The following NCLN variants were observed in gnomAD, a reference collection of about 807,000 sequenced individuals.
The protein encoded by NCLN is nicalin, also known as BOS complex subunit NCLN.
In NCLN, 34 loss-of-function variants were observed where a neutral mutation model predicts 69.5. That is an observed-to-expected ratio of 0.49 (90% CI 0.37 to 0.65). The LOEUF is 0.65. Ranked by LOEUF, NCLN falls within the 30% of genes least tolerant of loss-of-function variation. NCLN has a pLI of 0.00. For missense variants in NCLN, 710 were observed against 804.8 expected, an observed-to-expected ratio of 0.88 and a Z score of 1.42; for synonymous variants, 393 against 358.3, an observed-to-expected ratio of 1.10 and a Z score of -1.09.
chr19:3,193,539 C>T (rs1378117541), intron 3 of NCLN, 111 bp downstream of exon 3: 7 of 1,296,318 alleles, frequency 5.4e-6, no homozygotes, highest in Non-Finnish European at 7.2e-6. Flanking sequence ...GTGTGGCATC[C>T]CTTCGCCGGG....
At chr19:3,200,634 A>G (rs961864269) in intron 5 of NCLN, among the ~76,000 whole-genome samples, 3 of 152,114 alleles carry the variant, frequency 2.0e-5, no homozygotes, top group African/African-American at 7.2e-5. Context: ...AGATAATGAT[A>G]GAACATAAAG....
rs1916362007 is a variant in NCLN, at chr19:3,209,045, C to CG, written c.*1358dup. ...CAAGTCCTGGCCTGGCACCCGCAGC[C>CG]GTCTCCCTTCCGTGGCCCAGGGAGG... On this transcript the variant is annotated 3_prime_UTR_variant, in exon 15 of 15. Coordinates refer to ENST00000246117, the MANE Select transcript of NCLN (RefSeq NM_020170.4). The CG allele has an allele frequency of 6.6e-6, 1 of 152,268 alleles. No homozygotes were observed. The highest frequency in any genetic ancestry group is 1.5e-5 in the Non-Finnish European group (1 of 68,192). The allele number at this position is 152,268 out of a possible 1,614,324, so 9.4% of individuals were successfully genotyped here.
rs780358342 is a variant in NCLN, at chr19:3,185,990, C to A, written c.-41C>A. Reference sequence around the variant, plus strand: ...GCGGGAGCCGCCGCCGCCGCCGTCCCGTCCCAGCTGCCGCCCCGCGCGGCC... The same window carrying A: ...GCGGGAGCCGCCGCCGCCGCCGTCCAGTCCCAGCTGCCGCCCCGCGCGGCC... On this transcript the variant is annotated 5_prime_UTR_variant, in exon 1 of 15. Transcript: ENST00000246117. The A allele has an allele frequency of 6.2e-6, 9 of 1,447,820 alleles. No individual in the cohort carries two copies. Among genetic ancestry groups the A allele is most frequent in the Middle Eastern group, 2.4e-4 (1 of 4,112 alleles). 89.7% of individuals were successfully genotyped at this position (1,447,820 alleles called of 1,614,324 possible). A position where few individuals can be genotyped will look rare whatever the true frequency, so the allele number is the denominator to read the frequency against.
At position 3,204,617 on chromosome 19, in the gene NCLN, C is replaced by T. The variant is rs1250791554; in HGVS notation, c.1074C>T (p.His358=). 1.2e-6 allele frequency: 2 copies of T among 1,600,760 alleles called. No homozygotes were observed. The highest frequency in any genetic ancestry group is 8.5e-7 in the Non-Finnish European group (1 of 1,174,170). The change falls in exon 9 of 15, where the codon CAC becomes CAT. Residue 358 remains histidine, a synonymous_variant. Transcript: ENST00000246117. Reference sequence around the variant, plus strand: ...CTGAGGTACGGTTCTCCATGGTGCACAAGCGGATCAACCTGGCGGAGGACG... The same window carrying T: ...CTGAGGTACGGTTCTCCATGGTGCATAAGCGGATCAACCTGGCGGAGGACG... ...QFPEVRFSMV[H]KRINLAEDVL...
intron 8 of NCLN, among the ~76,000 whole-genome samples, 162 bp from the exon 9 acceptor site, chr19:3,204,411 C>T (rs1380309680): frequency 1.3e-5 from 2 of 152,114 alleles, no homozygotes; most frequent in Admixed American, 1.3e-4. Context: ...TGCTCATTGC[C>T]CGCCGGGGCT....
chr19:3,201,750 A>G (rs1489199504), intron 6 of NCLN, 124 bp downstream of exon 6: 2 of 795,274 alleles, frequency 2.5e-6, no homozygotes, highest in East Asian at 2.8e-5. Flanking sequence ...GCCTGAGCCC[A>G]GGAATTGGGG....
chr19:3,204,429 G>C (rs868663473), intron 8 of NCLN, 144 bp from the exon 9 acceptor site: 4 of 925,274 alleles, frequency 4.3e-6, no homozygotes, highest in Non-Finnish European at 6.2e-6. Context: ...GCTCCAGCAG[G>C]CCTTAGGGGG....
At chr19:3,188,996 T>A (rs1915743629) in intron 1 of NCLN, among the ~76,000 whole-genome samples, 1 of 152,214 alleles carries the variant, frequency 6.6e-6, no homozygotes, top group African/African-American at 2.4e-5. Context: ...CCGGTGTGCT[T>A]TCACCCCCGG....
chr19:3,197,556 C>G (rs1033521369), intron 4 of NCLN, among the ~76,000 whole-genome samples: 8 of 152,182 alleles, frequency 5.3e-5, no homozygotes, highest in Non-Finnish European at 8.8e-5. Context: ...ATTGTCTTGC[C>G]TCGGCCTCCC....
chr19:3,204,829 A>G, intron 9 of NCLN, 78 bp downstream of exon 9: 1 of 1,338,516 alleles, frequency 7.5e-7, no homozygotes, highest in Non-Finnish European at 9.6e-7. Flanking sequence ...TGCAGAGGCC[A>G]TGAGAGCCTG....
chr19:3,192,586 C>G lies in NCLN; in HGVS notation c.301C>G (p.Leu101Val). The G allele has an allele frequency of 1.2e-6, 2 of 1,606,664 alleles. No individual in the cohort carries two copies. The highest frequency in any genetic ancestry group is 1.7e-6 in the Non-Finnish European group (2 of 1,176,176). The change falls in exon 2 of 15, where the codon CTG (leucine) becomes GTG (valine). Residue 101 changes from leucine to valine, a missense_variant. Leu to Val is a conservative substitution (Grantham distance 32). Transcript: ENST00000246117. ...CTCCTACGAGCAGTACCAGAAGGCC[C>G]TGCGGCAGTCGGCGGGCGCCGTGGT... is the stretch of plus-strand genomic sequence containing the variant. ...DFSYEQYQKA[L>V]RQSAGAVVII...
At chr19:3,199,107 G>A (rs1255934156) in intron 5 of NCLN, among the ~76,000 whole-genome samples, 4 of 152,230 alleles carry the variant, frequency 2.6e-5, no homozygotes, top group African/African-American at 9.6e-5. Context: ...GGGGTCGCAG[G>A]TTCCAGGGCA....
intron 6 of NCLN, among the ~76,000 whole-genome samples, chr19:3,202,595 G>A (rs1480332119): frequency 3.3e-5 from 5 of 152,206 alleles, no homozygotes; most frequent in East Asian, 1.9e-4. Context: ...TGGCTGAGAC[G>A]TTTCTCAGCC....
rs987803314 is a variant in NCLN, at chr19:3,207,924, G to C, written c.*236G>C. On this transcript the variant is annotated 3_prime_UTR_variant, in exon 15 of 15. Transcript: ENST00000246117. ...TTCCTTGGAGGAGAGCTTGGGAGACGTCCCGGGGCCAGGCTACGGACTTGC... is the reference window on the plus strand; with the variant it reads ...TTCCTTGGAGGAGAGCTTGGGAGACCTCCCGGGGCCAGGCTACGGACTTGC... 3 of 534,760 alleles carry C rather than the reference G, an allele frequency of 5.6e-6. No homozygotes were observed. Among genetic ancestry groups the C allele is most frequent in the Non-Finnish European group, 1.0e-5 (3 of 299,340 alleles). The allele number at this position is 534,760 out of a possible 1,614,324, so 33.1% of individuals were successfully genotyped here.
At chr19:3,190,738 G>T (rs1196037925) in intron 1 of NCLN, among the ~76,000 whole-genome samples, 1 of 147,564 alleles carries the variant, frequency 6.8e-6, no homozygotes, top group Non-Finnish European at 1.5e-5. Flanking sequence ...GCCCGCCCCC[G>T]GCCCCCCTGC....
intron 1 of NCLN, 56 bp downstream of exon 1, chr19:3,186,270 C>T (rs1001746477): frequency 2.9e-6 from 4 of 1,398,238 alleles, no homozygotes; most frequent in East Asian, 3.0e-5. Context: ...CACGCCACTC[C>T]GGCCCGGCGA....
At chr19:3,203,138 G>A (rs1264400454) in intron 6 of NCLN, among the ~76,000 whole-genome samples, 1 of 152,022 alleles carries the variant, frequency 6.6e-6, no homozygotes, top group Non-Finnish European at 1.5e-5. Context: ...TTGAAACCCT[G>A]TCTCTACTAA....
chr19:3,204,449 G>A, intron 8 of NCLN, 124 bp from the exon 9 acceptor site: 3 of 1,094,044 alleles, frequency 2.7e-6, no homozygotes, highest in Non-Finnish European at 3.8e-6. Context: ...GACCCCGGGG[G>A]CAGGTGGATT....
chr19:3,197,468 GTC>G (rs1011231290), intron 4 of NCLN, among the ~76,000 whole-genome samples: 20 of 152,342 alleles, frequency 1.3e-4, no homozygotes, highest in Admixed American at 7.2e-4. Context: ...TTGAGACAGA[GTC>G]TCTCTCTGTC....
Sources: allele counts gnomAD v4.1 joint callset (sites outside exome capture counted in the v4.1 genomes callset), GRCh38; gene constraint gnomAD v4.1.1; transcripts MANE v1.5; gene names NCBI Gene and HGNC (gene_info 2026-07-23, HGNC 2026-07-21).